PODXL: variants seen among roughly 807,000 people sequenced by gnomAD.
The protein encoded by PODXL is podocalyxin.
PODXL carries 20 observed loss-of-function variants against 48.9 expected under a neutral mutation model. That is an observed-to-expected ratio of 0.41 (90% CI 0.29 to 0.59). PODXL has a LOEUF of 0.59. PODXL is among the 20% of genes least tolerant of loss of function. PODXL has a pLI of 0.31. For missense variants in PODXL, 606 were observed against 675.1 expected, an observed-to-expected ratio of 0.90 and a Z score of 1.13; for synonymous variants, 295 against 287.4, an observed-to-expected ratio of 1.03 and a Z score of -0.27.
At chr7:131,524,366 A>ACACACACG (rs1554385071) in intron 1 of PODXL, among the ~76,000 whole-genome samples, 7,253 of 106,788 alleles carry the variant, frequency 0.068, 329 homozygotes, top group Non-Finnish European at 0.088. Flanking sequence ...ACACACGCAC[A>ACACACACG]CACACACACA....
At chr7:131,552,697 C>T (rs1798687124) in intron 1 of PODXL, among the ~76,000 whole-genome samples, 1 of 152,168 alleles carries the variant, frequency 6.6e-6, no homozygotes, top group South Asian at 2.1e-4. Flanking sequence ...GGGCTCCTAA[C>T]CCCGCCATGT....
At chr7:131,515,160 G>A (rs925912253) in intron 1 of PODXL, among the ~76,000 whole-genome samples, 2 of 152,104 alleles carry the variant, frequency 1.3e-5, no homozygotes, top group South Asian at 4.1e-4. Context: ...CAAAATCACT[G>A]CCAGTAAAAA....
At chr7:131,513,821 A>G (rs1173437853) in intron 1 of PODXL, among the ~76,000 whole-genome samples, 1 of 152,224 alleles carries the variant, frequency 6.6e-6, no homozygotes, top group Non-Finnish European at 1.5e-5. Context: ...CAGCTACTCC[A>G]TACACTGGAC....
rs536180478 is a variant in PODXL, at chr7:131,543,897, A to C, written c.100+12363T>G. 3.4e-4 allele frequency among the ~76,000 whole-genome samples: 52 copies of C among 152,242 alleles called. 1 individual carries two copies. Among genetic ancestry groups the C allele is most frequent in the South Asian group, 2.3e-3 (11 of 4,822 alleles). ...CCTCCAGCCATTCCCAATGGCTGAG[A>C]ACATCCACACTGTCCAGCTGGGTTC... On this transcript the variant is annotated intron_variant, in intron 1 of 8. Coordinates refer to ENST00000378555, the MANE Select transcript of PODXL (RefSeq NM_001018111.3).
intron 1 of PODXL, among the ~76,000 whole-genome samples, chr7:131,515,551 G>A (rs577366679): frequency 6.6e-6 from 1 of 152,078 alleles, no homozygotes; most frequent in Non-Finnish European, 1.5e-5. Flanking sequence ...ACAAGTGCAC[G>A]CCACCATGCC....
chr7:131,548,221 G>A (rs1448725827), intron 1 of PODXL, among the ~76,000 whole-genome samples: 4 of 152,248 alleles, frequency 2.6e-5, no homozygotes, highest in African/African-American at 7.2e-5. Flanking sequence ...TGATCTGACC[G>A]GCAAGGTGAG....
At chr7:131,522,880 AATGAT>A (rs1327733204) in intron 1 of PODXL, among the ~76,000 whole-genome samples, 1 of 152,216 alleles carries the variant, frequency 6.6e-6, no homozygotes, top group East Asian at 1.9e-4. Flanking sequence ...TGTATTGCTA[AATGAT>A]ATTTCACAGT....
intron 5 of PODXL, among the ~76,000 whole-genome samples, chr7:131,508,020 T>C (rs1229600659): frequency 6.6e-6 from 1 of 152,172 alleles, no homozygotes; most frequent in Admixed American, 6.5e-5. Context: ...AGGGGGTGGC[T>C]GCAAAAAACC....
intron 1 of PODXL, among the ~76,000 whole-genome samples, chr7:131,527,030 C>T (rs1474681584): frequency 6.6e-6 from 1 of 152,198 alleles, no homozygotes; most frequent in Non-Finnish European, 1.5e-5. Context: ...TGAGCCACCA[C>T]ACCTGGCCCA....
chr7:131,510,872 A>T lies in PODXL; in HGVS notation c.662T>A (p.Ile221Asn), dbSNP rs1797900151. 16 of 1,614,126 alleles carry T rather than the reference A, an allele frequency of 9.9e-6. No homozygotes were observed. Among genetic ancestry groups the T allele is most frequent in the Non-Finnish European group, 1.4e-5 (16 of 1,180,024 alleles). ...KISSSSSTVA[I>N]PGYTFTSPGM... ...CGGGCTTGTGAAGGTGTAGCCAGGG[A>T]TAGCCACAGTGCTTGAACTGCTTGA... Residue 221 changes from isoleucine to asparagine, a missense_variant, in exon 2 of 9, where the codon ATC (isoleucine) becomes AAC (asparagine). Coordinates refer to ENST00000378555, the MANE Select transcript of PODXL (RefSeq NM_001018111.3).
chr7:131,515,029 G>C (rs1436168123), intron 1 of PODXL, among the ~76,000 whole-genome samples: 1 of 152,174 alleles, frequency 6.6e-6, no homozygotes, highest in Non-Finnish European at 1.5e-5. Context: ...ATTATACGCA[G>C]AATGCTGAGC....
chr7:131,504,421 G>C lies in PODXL; in HGVS notation c.1567C>G (p.Gln523Glu), dbSNP rs1254142836. 5 of 1,613,842 alleles carry C rather than the reference G, an allele frequency of 3.1e-6. No homozygotes were observed. The highest frequency in any genetic ancestry group is 4.2e-6 in the Non-Finnish European group (5 of 1,179,832). ...LEVMETSSEM[Q>E]EKKVVSLNGE... ...TTGAGGCTGACCACCTTCTTCTCCTGCATCTCAGAAGAGGTCTCCATCACT... is the reference window on the plus strand; with the variant it reads ...TTGAGGCTGACCACCTTCTTCTCCTCCATCTCAGAAGAGGTCTCCATCACT... Residue 523 changes from glutamine (Q) to glutamate (E), a missense_variant, in exon 9 of 9, where the codon CAG becomes GAG. Physicochemically the swap from Gln to Glu is conservative, Grantham distance 29 (BLOSUM62 2). Transcript: ENST00000378555.
chr7:131,510,233 T>C lies in PODXL; in HGVS notation c.802+3A>G, dbSNP rs895223973. On this transcript the variant is annotated splice_donor_region_variant and intron_variant, in intron 3 of 8. Coordinates refer to ENST00000378555, the MANE Select transcript of PODXL (RefSeq NM_001018111.3). ...GGTATCGGCCGGGCATGGTGGCTCA[T>C]ACCTGTAATCCCAGCACTTTGGGAG... is the stretch of plus-strand genomic sequence containing the variant. 18 of 444,904 alleles carry C rather than the reference T, an allele frequency of 4.0e-5. No homozygotes were observed. Among genetic ancestry groups the C allele is most frequent in the African/African-American group, 2.5e-4 (12 of 48,492 alleles). The allele number at this position is 444,904 out of a possible 1,614,324, so 27.6% of individuals were successfully genotyped here.
chr7:131,517,921 C>T (rs1448956154), intron 1 of PODXL, among the ~76,000 whole-genome samples: 11 of 152,044 alleles, frequency 7.2e-5, no homozygotes, highest in Non-Finnish European at 1.3e-4. Flanking sequence ...GTATTTTTAA[C>T]GGAGATGTGG....
At chr7:131,540,219 G>T (rs1281298402) in intron 1 of PODXL, among the ~76,000 whole-genome samples, 2 of 151,994 alleles carry the variant, frequency 1.3e-5, no homozygotes, top group African/African-American at 4.8e-5. Flanking sequence ...CTATGTTTTT[G>T]ATTATTTTGT....
intron 1 of PODXL, among the ~76,000 whole-genome samples, chr7:131,531,930 G>C (rs553310916): frequency 5.3e-5 from 8 of 151,886 alleles, no homozygotes; most frequent in Non-Finnish European, 8.8e-5. Context: ...GACCAACATG[G>C]AGAAACCCCA....
chr7:131,544,637 CCG>C (rs1562917736), intron 1 of PODXL, among the ~76,000 whole-genome samples: 5 of 146,160 alleles, frequency 3.4e-5, no homozygotes, highest in African/African-American at 5.6e-5. Context: ...AGCAGGGCCT[CCG>C]CACGCACGCC....
At chr7:131,520,224 A>G in intron 1 of PODXL, 1 of 417,498 alleles carries the variant, frequency 2.4e-6, no homozygotes, top group South Asian at 2.1e-5. Context: ...CAACAATCCC[A>G]AGAGCTTCCT....
intron 1 of PODXL, among the ~76,000 whole-genome samples, chr7:131,540,817 C>G (rs74555792): frequency 6.6e-6 from 1 of 152,184 alleles, no homozygotes; most frequent in Non-Finnish European, 1.5e-5. Flanking sequence ...CAAACAAGGG[C>G]CCCGAGCCAG....
Sources: allele counts gnomAD v4.1 joint callset (sites outside exome capture counted in the v4.1 genomes callset), GRCh38; gene constraint gnomAD v4.1.1; transcripts MANE v1.5; gene names NCBI Gene and HGNC (gene_info 2026-07-23, HGNC 2026-07-21).